The following SLC2A13 variants were observed in gnomAD, a reference collection of about 807,000 sequenced individuals.
SLC2A13 encodes the protein proton myo-inositol cotransporter.
SLC2A13 carries 32 observed loss-of-function variants against 64.4 expected under a neutral mutation model. That is an observed-to-expected ratio of 0.50 (90% CI 0.37 to 0.67). The LOEUF (loss-of-function observed/expected upper bound fraction) is 0.67, where lower values mean the gene tolerates loss of function less well. Among genes scored for constraint, SLC2A13 ranks in the 30% least tolerant of loss-of-function variants. The pLI, the probability that SLC2A13 is intolerant of heterozygous loss-of-function variation, is 0.00. For synonymous variants in SLC2A13, 338 were observed against 327.1 expected (o/e 1.03, Z -0.36); for missense variants, 743 against 829.2 (o/e 0.90, Z 1.28).
intron 4 of SLC2A13, among the ~76,000 whole-genome samples, chr12:39,902,090 G>A (rs1460470205): frequency 6.6e-6 from 1 of 150,832 alleles, no homozygotes; most frequent in Non-Finnish European, 1.5e-5. Flanking sequence ...AGTATCGCAA[G>A]GACAAAAAAC....
At chr12:40,095,853 A>G (rs1352779752) in intron 1 of SLC2A13, among the ~76,000 whole-genome samples, 7 of 152,210 alleles carry the variant, frequency 4.6e-5, no homozygotes, top group African/African-American at 1.7e-4. Flanking sequence ...AAATTATTGC[A>G]ATTTATTTTA....
chr12:40,002,265 A>G (rs1947332390), intron 3 of SLC2A13, among the ~76,000 whole-genome samples: 1 of 152,206 alleles, frequency 6.6e-6, no homozygotes, highest in Admixed American at 6.5e-5. Context: ...GTACTTTTTC[A>G]TACTCATTTT....
chr12:40,084,564 A>C (rs1358047859), intron 1 of SLC2A13, among the ~76,000 whole-genome samples: 2 of 152,208 alleles, frequency 1.3e-5, no homozygotes, highest in African/African-American at 4.8e-5. Context: ...ACCAAATCCA[A>C]TGGAGCATTC....
At position 40,106,014 on chromosome 12, in the gene SLC2A13, T is replaced by C. The variant is rs1939300046; in HGVS notation, c.-206A>G. On this transcript the variant is annotated 5_prime_UTR_variant, in exon 1 of 10. Transcript: ENST00000280871. ...CCCGCCGCGCTCCGACGCTGCGGAG[T>C]TGGAGCCCGGCGGGTCTCACTCCAC... The C allele has an allele frequency of 1.9e-6, 1 of 520,556 alleles. No homozygotes were observed. The allele number at this position is 520,556 out of a possible 1,614,324, so 32.2% of individuals were successfully genotyped here. A position where few individuals can be genotyped will look rare whatever the true frequency, so the allele number is the denominator to read the frequency against.
intron 6 of SLC2A13, among the ~76,000 whole-genome samples, chr12:39,858,519 T>C (rs1943668364): frequency 6.6e-6 from 1 of 152,212 alleles, no homozygotes. Flanking sequence ...ACTGTCAAGA[T>C]GCTATGAATT....
chr12:40,040,537 T>C (rs1303788157), intron 2 of SLC2A13, among the ~76,000 whole-genome samples: 1 of 152,126 alleles, frequency 6.6e-6, no homozygotes, highest in East Asian at 1.9e-4. Context: ...ATTACAGGCA[T>C]GTGCCACTAT....
intron 4 of SLC2A13, among the ~76,000 whole-genome samples, chr12:39,934,267 A>T (rs1353593): frequency 0.8 from 121,540 of 152,194 alleles, 48,725 homozygotes; most frequent in Non-Finnish European, 0.83. Flanking sequence ...AATTCCTAAA[A>T]CCAGAGCCAC....
chr12:39,901,061 C>G (rs1205063705), intron 4 of SLC2A13, among the ~76,000 whole-genome samples: 1 of 152,120 alleles, frequency 6.6e-6, no homozygotes, highest in Non-Finnish European at 1.5e-5. Flanking sequence ...TGATCTTTGA[C>G]AAACCTGAGA....
In SLC2A13 at chr12:39,865,178, T is replaced by C. The variant is rs796747185; in HGVS notation, c.1199-296A>G. Among the ~76,000 whole-genome samples the C allele has an allele frequency of 3.9e-5, 6 of 152,176 alleles. No homozygotes were observed. In the East Asian group the frequency reaches 7.7e-4, roughly 20 times the overall value. On this transcript the variant is annotated intron_variant, in intron 5 of 9. Transcript: ENST00000280871. Reference sequence around the variant, plus strand: ...TTTTTTAAAAGAAACCACGCACACCTAGTATTGCTGAAAATCTCAAAATCA... The same window carrying C: ...TTTTTTAAAAGAAACCACGCACACCCAGTATTGCTGAAAATCTCAAAATCA...
intron 1 of SLC2A13, among the ~76,000 whole-genome samples, chr12:40,055,889 A>G (rs1451289372): frequency 1.3e-5 from 2 of 151,946 alleles, no homozygotes; most frequent in Admixed American, 6.6e-5. Flanking sequence ...TACATAAGCT[A>G]GGCAGGTACC....
chr12:40,043,813 C>G (rs1353323704), intron 2 of SLC2A13, among the ~76,000 whole-genome samples: 2 of 152,058 alleles, frequency 1.3e-5, no homozygotes, highest in African/African-American at 4.8e-5. Context: ...TTCACACCCA[C>G]TAGGATGACT....
intron 7 of SLC2A13, among the ~76,000 whole-genome samples, chr12:39,801,501 G>A (rs1941791864): frequency 6.6e-6 from 1 of 152,030 alleles, no homozygotes; most frequent in South Asian, 2.1e-4. Context: ...ATTTCTCTTG[G>A]CACAGAATTA....
At chr12:40,009,673 T>G (rs1268663213) in intron 3 of SLC2A13, among the ~76,000 whole-genome samples, 1 of 151,998 alleles carries the variant, frequency 6.6e-6, no homozygotes, top group Non-Finnish European at 1.5e-5. Flanking sequence ...GCTCAAGCAA[T>G]CCTCGAGCTT....
chr12:40,060,671 T>C (rs1353635586), intron 1 of SLC2A13, among the ~76,000 whole-genome samples: 1 of 152,122 alleles, frequency 6.6e-6, no homozygotes, highest in Non-Finnish European at 1.5e-5. Flanking sequence ...AGTATCCTCA[T>C]TGCACAATCA....
At chr12:39,905,090 C>T (rs1020967680) in intron 4 of SLC2A13, among the ~76,000 whole-genome samples, 1 of 152,118 alleles carries the variant, frequency 6.6e-6, no homozygotes, top group Non-Finnish European at 1.5e-5. Context: ...CAGAATGAGA[C>T]TTCTGTTCAT....
intron 7 of SLC2A13, among the ~76,000 whole-genome samples, chr12:39,796,523 CT>C (rs555220365): frequency 2.6e-5 from 4 of 151,556 alleles, no homozygotes; most frequent in Non-Finnish European, 5.9e-5. Flanking sequence ...CCACTTTTTC[CT>C]TTTTTTCCAT....
At chr12:40,093,411 A>G (rs1938830682) in intron 1 of SLC2A13, among the ~76,000 whole-genome samples, 1 of 152,216 alleles carries the variant, frequency 6.6e-6, no homozygotes, top group African/African-American at 2.4e-5. Context: ...TGTACCAGGC[A>G]CTACACTATT....
rs1489019458 is a variant in SLC2A13 at position 39,988,687 on chromosome 12, GAGGGAGGA to G, written c.926-37330_926-37323del. Among the ~76,000 whole-genome samples, 10 of 100,734 alleles carry G rather than the reference GAGGGAGGA, an allele frequency of 9.9e-5. 1 individual carries two copies. The highest frequency in any genetic ancestry group is 1.4e-4 in the Non-Finnish European group (7 of 50,854). 66.1% of individuals were successfully genotyped at this position (100,734 alleles called of 152,430 possible). ...GGAGGGAGGGAGGGAAGAAGGGAGG[GAGGGAGGA>G]AGGAAGGAAGGAAGGAAGGAAGGAA... On this transcript the variant is annotated intron_variant, in intron 3 of 9. Coordinates refer to ENST00000280871, the MANE Select transcript of SLC2A13 (RefSeq NM_052885.4).
At chr12:40,041,129 T>C (rs1948081666) in intron 2 of SLC2A13, among the ~76,000 whole-genome samples, 1 of 152,182 alleles carries the variant, frequency 6.6e-6, no homozygotes, top group South Asian at 2.1e-4. Context: ...ATTTTATTTT[T>C]TTAGTAGAGA....
Sources: allele counts gnomAD v4.1 joint callset (sites outside exome capture counted in the v4.1 genomes callset), GRCh38; gene constraint gnomAD v4.1.1; transcripts MANE v1.5; gene names NCBI Gene and HGNC (gene_info 2026-07-23, HGNC 2026-07-21).